RHEB: variants seen among roughly 807,000 people sequenced by gnomAD.
RHEB encodes the protein GTP-binding protein Rheb.
A neutral mutation model predicts 28.8 loss-of-function variants in RHEB; 2 were observed. The ratio of observed to expected loss-of-function variants is 0.07; its 90% confidence interval spans 0.03 to 0.22. The LOEUF (loss-of-function observed/expected upper bound fraction) is 0.22. Ranked by LOEUF, RHEB falls within the 10% of genes least tolerant of loss-of-function variation. The probability of loss-of-function intolerance (pLI) is 1.00; values close to 1 mark genes in which losing one functional copy is unlikely to be tolerated. For synonymous variants in RHEB, 69 were observed against 77.3 expected, an observed-to-expected ratio of 0.89 and a Z score of 0.56; for missense variants, 76 against 219.9, an observed-to-expected ratio of 0.35 and a Z score of 4.14.
chr7:151,501,937 C>T, intron 1 of RHEB: 1 of 719,734 alleles, frequency 1.4e-6, no homozygotes, highest in South Asian at 1.4e-5. Context: ...TCAAGAAGCT[C>T]ATTAAGAGCT....
At chr7:151,504,824 T>C (rs1345947446) in intron 1 of RHEB, among the ~76,000 whole-genome samples, 1 of 151,978 alleles carries the variant, frequency 6.6e-6, no homozygotes, top group Non-Finnish European at 1.5e-5. Flanking sequence ...TGATTCTGGA[T>C]GTAGATGACT....
chr7:151,517,361 T>C lies in RHEB; in HGVS notation c.52+2099A>G, dbSNP rs1177473877. Among the ~76,000 whole-genome samples, 314 of 116,446 alleles carry C rather than the reference T, an allele frequency of 2.7e-3. 1 individual carries two copies. The highest frequency in any genetic ancestry group is 9.6e-3 in the African/African-American group (300 of 31,354). The allele number at this position is 116,446 out of a possible 152,430, so 76.4% of individuals were successfully genotyped here. On this transcript the variant is annotated intron_variant, in intron 1 of 7. Coordinates refer to ENST00000262187, the MANE Select transcript of RHEB (RefSeq NM_005614.4). ...CCAGCCTGGGTCACAAGAGCGAAAC[T>C]CCGTCTCGGAAAAAAAAAAAAAAAA...
At chr7:151,501,238 T>C (rs1475907640) in intron 1 of RHEB, among the ~76,000 whole-genome samples, 1 of 152,184 alleles carries the variant, frequency 6.6e-6, no homozygotes, top group Non-Finnish European at 1.5e-5. Flanking sequence ...ATCCAGAATA[T>C]GTTTCACTCT....
intron 1 of RHEB, among the ~76,000 whole-genome samples, chr7:151,500,538 T>C (rs908997660): frequency 3.9e-5 from 6 of 152,134 alleles, no homozygotes; most frequent in African/African-American, 1.2e-4. Context: ...AACAACTGGA[T>C]GTCAATATCA....
At chr7:151,501,921 G>A in intron 1 of RHEB, 3 of 718,018 alleles carry the variant, frequency 4.2e-6, no homozygotes, top group Middle Eastern at 2.8e-4. Flanking sequence ...GTGGAGTTCT[G>A]GAAGATCAAG....
At chr7:151,475,480 A>G (rs1484265098) in intron 4 of RHEB, among the ~76,000 whole-genome samples, 1 of 152,256 alleles carries the variant, frequency 6.6e-6, no homozygotes, top group Admixed American at 6.5e-5. Flanking sequence ...ATGAACTTCC[A>G]ACATTCATTA....
intron 2 of RHEB, among the ~76,000 whole-genome samples, chr7:151,487,224 C>T (rs1047885676): frequency 6.6e-6 from 1 of 152,140 alleles, no homozygotes; most frequent in East Asian, 1.9e-4. Context: ...CATTTTAAGC[C>T]CAGGTATTCA....
intron 1 of RHEB, among the ~76,000 whole-genome samples, chr7:151,505,966 G>C (rs1802866159): frequency 6.6e-6 from 1 of 152,200 alleles, no homozygotes; most frequent in Admixed American, 6.5e-5. Context: ...GAGCAGATCA[G>C]TGCTTCCCGG....
At chr7:151,491,379 G>C (rs1324813792) in intron 1 of RHEB, among the ~76,000 whole-genome samples, 1 of 152,168 alleles carries the variant, frequency 6.6e-6, no homozygotes, top group African/African-American at 2.4e-5. Context: ...AAATTAAAAT[G>C]ATTAGTTTCG....
At chr7:151,488,572 G>A (rs559130469) in intron 2 of RHEB, among the ~76,000 whole-genome samples, 38 of 152,292 alleles carry the variant, frequency 2.5e-4, no homozygotes, top group Admixed American at 1.4e-3. Context: ...AAGGGTGGGC[G>A]AAGGGCTCCT....
At chr7:151,517,073 A>C (rs1401415853) in intron 1 of RHEB, among the ~76,000 whole-genome samples, 1 of 152,160 alleles carries the variant, frequency 6.6e-6, no homozygotes, top group African/African-American at 2.4e-5. Context: ...ACACTTTAAA[A>C]TCAAATGCGG....
In RHEB at chr7:151,499,134, A is replaced by G. The variant is rs1052389767; in HGVS notation, c.53-8120T>C. 2.6e-5 allele frequency among the ~76,000 whole-genome samples: 4 copies of G among 152,362 alleles called. No individual in the cohort carries two copies. The East Asian group carries it at 5.8e-4, about 22-fold the overall frequency. ...GTAATCCTAGCACTTTGGGAGGCCA[A>G]GGCGGGTGGACTGACTGAGCTCAGG... On this transcript the variant is annotated intron_variant, in intron 1 of 7. Coordinates refer to ENST00000262187, the MANE Select transcript of RHEB (RefSeq NM_005614.4).
At chr7:151,503,543 C>T (rs1802810643) in intron 1 of RHEB, 1 of 629,342 alleles carries the variant, frequency 1.6e-6, no homozygotes. Context: ...TAACAGATCC[C>T]TGCCTTACAA....
Position 151,467,491 on chromosome 7 carries a change from A to G in RHEB, c.463-280T>C, listed in dbSNP as rs567237886. ...AGTCCTCACTCCCAGACTCACCACC[A>G]TCTCCTGTCCCACTCCACCCCATGA... On this transcript the variant is annotated intron_variant, in intron 7 of 7. Coordinates refer to ENST00000262187, the MANE Select transcript of RHEB (RefSeq NM_005614.4). 6.0e-5 allele frequency among the ~76,000 whole-genome samples: 9 copies of G among 150,744 alleles called. No individual in the cohort carries two copies. In the East Asian group the frequency reaches 1.2e-3, roughly 20 times the overall value.
At chr7:151,518,046 A>G (rs539247903) in intron 1 of RHEB, 1 of 152,188 alleles carries the variant, frequency 6.6e-6, no homozygotes, top group Admixed American at 6.5e-5. Flanking sequence ...TATTTGAACA[A>G]TTAGTGACTT....
At chr7:151,491,057 G>T (rs1215847734) in intron 1 of RHEB, 43 bp from the exon 2 acceptor site, 2 of 1,462,956 alleles carry the variant, frequency 1.4e-6, no homozygotes, top group South Asian at 1.2e-5. Flanking sequence ...GGCATATGAA[G>T]GTAAAAATTT....
intron 2 of RHEB, among the ~76,000 whole-genome samples, chr7:151,489,473 T>C (rs1377201994): frequency 6.6e-6 from 1 of 152,222 alleles, no homozygotes; most frequent in African/African-American, 2.4e-5. Context: ...CTTTCAAAAA[T>C]ATTCCTGGAG....
At chr7:151,504,347 C>T (rs1802829083) in intron 1 of RHEB, among the ~76,000 whole-genome samples, 1 of 152,178 alleles carries the variant, frequency 6.6e-6, no homozygotes, top group Admixed American at 6.5e-5. Flanking sequence ...GGGATACAGG[C>T]ATCCCTTGGT....
Position 151,466,316 on chromosome 7 carries a change from T to A in RHEB, c.*803A>T, listed in dbSNP as rs1802059554. On this transcript the variant is annotated 3_prime_UTR_variant, in exon 8 of 8. Coordinates refer to ENST00000262187, the MANE Select transcript of RHEB (RefSeq NM_005614.4). ...TGACAGGCAAGGCTGTTCTCAATCA[T>A]CTCCTGTCTGACACGGACATCGAGC... 1 of 152,176 alleles carries A rather than the reference T, an allele frequency of 6.6e-6. No homozygotes were observed. The highest frequency in any genetic ancestry group is 2.1e-4 in the South Asian group (1 of 4,822). The allele number at this position is 152,176 out of a possible 1,614,324, so 9.4% of individuals were successfully genotyped here. A position where few individuals can be genotyped will look rare whatever the true frequency, so the allele number is the denominator to read the frequency against.
Sources: gnomAD v4.1 joint callset for allele counts (sites outside exome capture counted in the v4.1 genomes callset) on GRCh38, gnomAD v4.1.1 for gene constraint, MANE v1.5 for transcripts, NCBI Gene and HGNC (gene_info 2026-07-23, HGNC 2026-07-21) for gene names.